Variants in EPHA4 observed in about 807,000 individuals in gnomAD.
EPHA4 encodes the protein EPH receptor A4, also known as ephrin type-A receptor 4.
Under a neutral mutation model 108.3 loss-of-function variants are expected in EPHA4, and 19 were observed. The observed-to-expected ratio is 0.18, with a 90% CI of 0.12 to 0.26. The LOEUF (loss-of-function observed/expected upper bound fraction) is 0.26. EPHA4 is among the 10% of genes least tolerant of loss of function. The pLI is 1.00. For missense variants in EPHA4, 917 were observed against 1,254.0 expected, an observed-to-expected ratio of 0.73 and a Z score of 4.06; for synonymous variants, 449 against 455.5, an observed-to-expected ratio of 0.99 and a Z score of 0.18.
intron 3 of EPHA4, among the ~76,000 whole-genome samples, chr2:221,525,284 C>T (rs553008377): frequency 4.6e-5 from 7 of 152,236 alleles, no homozygotes; most frequent in Admixed American, 2.6e-4. Context: ...TGAAAACAGG[C>T]GTGAGACTCA....
At chr2:221,426,296 C>A in intron 16 of EPHA4, 154 bp from the exon 17 acceptor site, 1 of 1,025,048 alleles carries the variant, frequency 9.8e-7, no homozygotes, top group Non-Finnish European at 1.4e-6. Context: ...CAATTTAATG[C>A]AAGAATGTAG....
intron 3 of EPHA4, among the ~76,000 whole-genome samples, chr2:221,515,536 G>A (rs1692964928): frequency 6.6e-6 from 1 of 152,184 alleles, no homozygotes; most frequent in Non-Finnish European, 1.5e-5. Context: ...CATCACACAC[G>A]GTGGGTGGCT....
chr2:221,478,895 A>C (rs1691738150), intron 5 of EPHA4, among the ~76,000 whole-genome samples: 1 of 152,232 alleles, frequency 6.6e-6, no homozygotes, highest in Admixed American at 6.5e-5. Context: ...TCAGCTTATC[A>C]GCAAAAAGCT....
rs1694538424 is a variant in EPHA4, at chr2:221,563,745, C to T, written c.809G>A (p.Ser270Asn). ...CLCNAGHEER[S>N]GECQACKIGY... Reference sequence around the variant, plus strand: ...GACCCTCTTACCTTGGCATTCTCCGCTCCGCTCCTCATGCCCAGCGTTGCA... The same window carrying T: ...GACCCTCTTACCTTGGCATTCTCCGTTCCGCTCCTCATGCCCAGCGTTGCA... The change falls in exon 3 of 18, where the codon AGC (serine) becomes AAC (asparagine). Residue 270 changes from serine (S) to asparagine (N), a missense_variant. This residue lies in a region of EPHA4 where 758 missense variants were observed against 1,076.7 expected (regional missense o/e 0.70). Coordinates refer to ENST00000281821, the MANE Select transcript of EPHA4 (RefSeq NM_004438.5). 2 of 1,614,010 alleles carry T rather than the reference C, an allele frequency of 1.2e-6. No individual in the cohort carries two copies. The highest frequency in any genetic ancestry group is 2.7e-5 in the African/African-American group (2 of 74,936).
At chr2:221,459,316 AT>A (rs79551441) in intron 5 of EPHA4, among the ~76,000 whole-genome samples, 1 of 148,966 alleles carries the variant, frequency 6.7e-6, no homozygotes, top group African/African-American at 2.5e-5. Flanking sequence ...ACACCCCTCT[AT>A]TTTTTTTTCC....
intron 2 of EPHA4, among the ~76,000 whole-genome samples, chr2:221,567,294 A>G (rs1230271114): frequency 6.6e-6 from 1 of 152,138 alleles, no homozygotes; most frequent in Non-Finnish European, 1.5e-5. Context: ...ACCAAGCAAT[A>G]CCCCTGGTAC....
chr2:221,525,101 C>A (rs1223232852), intron 3 of EPHA4, among the ~76,000 whole-genome samples: 1 of 152,068 alleles, frequency 6.6e-6, no homozygotes, highest in African/African-American at 2.4e-5. Context: ...ATAGAAATTT[C>A]TATTTCATAA....
At chr2:221,542,430 G>A (rs1693864165) in intron 3 of EPHA4, among the ~76,000 whole-genome samples, 1 of 152,168 alleles carries the variant, frequency 6.6e-6, no homozygotes, top group Non-Finnish European at 1.5e-5. Flanking sequence ...AGCAATCAAT[G>A]CATTGAACTC....
At chr2:221,551,185 T>C (rs1049581666) in intron 3 of EPHA4, among the ~76,000 whole-genome samples, 22 of 152,094 alleles carry the variant, frequency 1.4e-4, no homozygotes, top group African/African-American at 5.1e-4. Flanking sequence ...ATTTGCTCTC[T>C]AGAAAACTCC....
chr2:221,482,564 C>T lies in EPHA4; in HGVS notation c.1106G>A (p.Cys369Tyr), dbSNP rs895132449. 2.5e-6 allele frequency: 4 copies of T among 1,613,984 alleles called. No homozygotes were observed. Among genetic ancestry groups the T allele is most frequent in the Admixed American group, 1.7e-5 (1 of 60,002 alleles). ...DISYNVVCKK[C>Y]GAGDPSKCRP... ...GCACTTGCTGGGGTCACCAGCTCCACATTTCTTGCATACCACATTATAGGA... is the reference window on the plus strand; with the variant it reads ...GCACTTGCTGGGGTCACCAGCTCCATATTTCTTGCATACCACATTATAGGA... The change falls in exon 5 of 18, where the codon TGT becomes TAT. Residue 369 changes from cysteine to tyrosine, a missense_variant. This residue lies in a region of EPHA4 where 758 missense variants were observed against 1,076.7 expected (regional missense o/e 0.70). Transcript: ENST00000281821.
At chr2:221,475,973 C>A (rs900629396) in intron 5 of EPHA4, among the ~76,000 whole-genome samples, 1 of 152,084 alleles carries the variant, frequency 6.6e-6, no homozygotes, top group Non-Finnish European at 1.5e-5. Flanking sequence ...AATCCCAGAA[C>A]TTTGGGAGGC....
At chr2:221,472,245 G>T (rs796599204) in intron 5 of EPHA4, among the ~76,000 whole-genome samples, 2 of 136,452 alleles carry the variant, frequency 1.5e-5, no homozygotes, top group Non-Finnish European at 3.1e-5. Context: ...AAACATGAAC[G>T]AAACTGTGCT....
At chr2:221,524,390 C>T (rs1693263109) in intron 3 of EPHA4, among the ~76,000 whole-genome samples, 1 of 152,202 alleles carries the variant, frequency 6.6e-6, no homozygotes, top group South Asian at 2.1e-4. Flanking sequence ...TATGGTTCCT[C>T]CAGTGTTTGC....
At chr2:221,501,983 T>G (rs1321203025) in intron 3 of EPHA4, among the ~76,000 whole-genome samples, 1 of 152,108 alleles carries the variant, frequency 6.6e-6, no homozygotes, top group East Asian at 1.9e-4. Flanking sequence ...TCCAGCACCC[T>G]TCCCCTGCAA....
chr2:221,524,499 C>G (rs1559278869), intron 3 of EPHA4, among the ~76,000 whole-genome samples: 1 of 152,166 alleles, frequency 6.6e-6, no homozygotes, highest in Non-Finnish European at 1.5e-5. Context: ...TAGAACCCAC[C>G]TAGTTAGACT....
At chr2:221,570,947 C>T (rs1694817704) in intron 1 of EPHA4, among the ~76,000 whole-genome samples, 1 of 151,958 alleles carries the variant, frequency 6.6e-6, no homozygotes, top group African/African-American at 2.4e-5. Flanking sequence ...AGATGGATGC[C>T]GGAAAGGAGA....
intron 3 of EPHA4, among the ~76,000 whole-genome samples, chr2:221,502,944 T>C (rs745801106): frequency 6.6e-6 from 1 of 152,186 alleles, no homozygotes; most frequent in Non-Finnish European, 1.5e-5. Context: ...TTTATACACA[T>C]TGCATAATTA....
intron 3 of EPHA4, among the ~76,000 whole-genome samples, chr2:221,558,426 C>G (rs576876754): frequency 3.8e-4 from 57 of 151,972 alleles, no homozygotes; most frequent in African/African-American, 1.4e-3. Flanking sequence ...TACCAATTAC[C>G]CGTTCCCCCA....
chr2:221,532,922 G>C (rs766456171), intron 3 of EPHA4: 1 of 152,264 alleles, frequency 6.6e-6, no homozygotes, highest in African/African-American at 2.4e-5. Context: ...TTTACTACCA[G>C]GCTCTGAGTG....
Sources: allele counts gnomAD v4.1 joint callset (sites outside exome capture counted in the v4.1 genomes callset), GRCh38; gene constraint gnomAD v4.1.1; regional missense constraint gnomAD v4.1.1; transcripts MANE v1.5; gene names NCBI Gene and HGNC (gene_info 2026-07-23, HGNC 2026-07-21).